The following ADGB variants were observed in gnomAD, a reference collection of about 807,000 sequenced individuals.
ADGB encodes androglobin.
Under a neutral mutation model 210.5 loss-of-function variants are expected in ADGB, and 172 were observed. That is an observed-to-expected ratio of 0.82 (90% CI 0.72 to 0.93). The LOEUF is 0.93. Among genes scored for constraint, ADGB ranks in the 40% least tolerant of loss-of-function variants. The pLI is 0.00. For missense variants in ADGB, 2,025 were observed against 1,964.8 expected (o/e 1.03, Z -0.58); for synonymous variants, 658 against 662.7 (o/e 0.99, Z 0.11).
chr6:146,729,434 G>A (rs2114582019), intron 20 of ADGB, among the ~76,000 whole-genome samples: 1 of 152,210 alleles, frequency 6.6e-6, no homozygotes, highest in South Asian at 2.1e-4. Context: ...TATTTGATGG[G>A]AGACTTTCTC....
chr6:146,631,629 GTACC>G (rs1294089393), intron 1 of ADGB, among the ~76,000 whole-genome samples: 1 of 152,024 alleles, frequency 6.6e-6, no homozygotes, highest in African/African-American at 2.4e-5. Flanking sequence ...CTTTGTCCAG[GTACC>G]ATCCCAGTTA....
At chr6:146,655,870 C>T (rs1045890816) in intron 4 of ADGB, among the ~76,000 whole-genome samples, 1 of 151,984 alleles carries the variant, frequency 6.6e-6, no homozygotes, top group African/African-American at 2.4e-5. Context: ...TTAAGAGAAA[C>T]ATAAATCTTG....
At chr6:146,809,737 A>T (rs796936835) in intron 35 of ADGB, among the ~76,000 whole-genome samples, 3 of 152,254 alleles carry the variant, frequency 2.0e-5, no homozygotes, top group South Asian at 4.1e-4. Context: ...TTCAAAAATG[A>T]TGTTGGGAAA....
At chr6:146,723,597 G>A (rs1397487075) in intron 17 of ADGB, among the ~76,000 whole-genome samples, 1 of 151,964 alleles carries the variant, frequency 6.6e-6, no homozygotes, top group Non-Finnish European at 1.5e-5. Flanking sequence ...ATTAGCCAGG[G>A]GTGGTGGCAG....
At chr6:146,814,973 C>G in intron 35 of ADGB, 59 bp from the exon 36 acceptor site, 1 of 1,457,510 alleles carries the variant, frequency 6.9e-7, no homozygotes, top group Non-Finnish European at 9.1e-7. Context: ...TTTTTTCTTT[C>G]TGGGAACATA....
intron 7 of ADGB, among the ~76,000 whole-genome samples, chr6:146,669,643 G>T (rs1163846809): frequency 6.6e-6 from 1 of 151,920 alleles, no homozygotes; most frequent in Admixed American, 6.6e-5. Context: ...CTTATTTTCT[G>T]CTCTTTCTCA....
intron 35 of ADGB, chr6:146,802,695 T>G: frequency 9.0e-7 from 1 of 1,109,360 alleles, no homozygotes; most frequent in Non-Finnish European, 1.3e-6. Context: ...TAGTTTTGAT[T>G]TCTTCCACAG....
rs1443401757 is a variant in ADGB, at chr6:146,728,561, T to C, written c.2353-13T>C. 2 of 1,549,266 alleles carry C rather than the reference T, an allele frequency of 1.3e-6. No individual in the cohort carries two copies. Among genetic ancestry groups the C allele is most frequent in the East Asian group, 4.9e-5 (2 of 40,866 alleles). ...GGATGAGTGAGGATGGCTGCCATGC[T>C]TTGTCTTCACAGGAGAGCTGCCGAT... On this transcript the variant is annotated splice_polypyrimidine_tract_variant and intron_variant, in intron 19 of 35. Transcript: ENST00000397944.
At chr6:146,793,634 A>T (rs1049423372) in intron 33 of ADGB, among the ~76,000 whole-genome samples, 1 of 152,224 alleles carries the variant, frequency 6.6e-6, no homozygotes, top group African/African-American at 2.4e-5. Context: ...GAGGTTAAAA[A>T]TACAGGGCCC....
intron 27 of ADGB, among the ~76,000 whole-genome samples, chr6:146,756,561 C>A (rs1245686555): frequency 1.3e-5 from 2 of 151,914 alleles, no homozygotes; most frequent in Non-Finnish European, 2.9e-5. Context: ...CTATTTCATT[C>A]TTTCCATATT....
chr6:146,674,380 G>C (rs962554223), intron 8 of ADGB, among the ~76,000 whole-genome samples: 10 of 152,042 alleles, frequency 6.6e-5, no homozygotes, highest in Admixed American at 5.9e-4. Flanking sequence ...GTGATGACTG[G>C]GAAGATCCTG....
chr6:146,650,184 A>G (rs1214933944), intron 3 of ADGB, among the ~76,000 whole-genome samples: 1 of 152,206 alleles, frequency 6.6e-6, no homozygotes, highest in Non-Finnish European at 1.5e-5. Context: ...AGCTGTTGTC[A>G]TTTTTAAAAA....
chr6:146,664,107 A>C, intron 5 of ADGB, 94 bp from the exon 6 acceptor site: 1 of 1,243,910 alleles, frequency 8.0e-7, no homozygotes, highest in Non-Finnish European at 1.1e-6. Flanking sequence ...AAATTGGAAA[A>C]CGGTAAATAG....
intron 1 of ADGB, among the ~76,000 whole-genome samples, chr6:146,611,861 T>C (rs1196018335): frequency 6.6e-6 from 1 of 152,328 alleles, no homozygotes; most frequent in African/African-American, 2.4e-5. Flanking sequence ...TTTTTTTTTA[T>C]GGATTTTGGT....
chr6:146,733,107 TTA>T lies in ADGB; in HGVS notation c.2521-11_2521-10del. On this transcript the variant is annotated splice_polypyrimidine_tract_variant and intron_variant, in intron 20 of 35. Coordinates refer to ENST00000397944, the MANE Select transcript of ADGB (RefSeq NM_024694.4). ...GGTATTTTCTTGCTATAAAAAAAAT[TTA>T]TGTGTTTCAGGTTTTTCATCTTTCC... The T allele has an allele frequency of 6.7e-7, 1 of 1,486,458 alleles. No homozygotes were observed. Among genetic ancestry groups the T allele is most frequent in the South Asian group, 1.4e-5 (1 of 73,018 alleles). The allele number at this position is 1,486,458 out of a possible 1,614,324, so 92.1% of individuals were successfully genotyped here. A position where few individuals can be genotyped will look rare whatever the true frequency, so the allele number is the denominator to read the frequency against.
In ADGB at chr6:146,783,753, G is replaced by C. The variant is rs191736945; in HGVS notation, c.4036-865G>C. Among the ~76,000 whole-genome samples the C allele has an allele frequency of 5.3e-5, 8 of 152,234 alleles. No homozygotes were observed. In the South Asian group the frequency reaches 8.3e-4, roughly 16 times the overall value. ...ATAATTGACATAGCCTCGACCTTAT[G>C]TAAAGTGCTATGTAACCACAATAGT... On this transcript the variant is annotated intron_variant, in intron 30 of 35. Coordinates refer to ENST00000397944, the MANE Select transcript of ADGB (RefSeq NM_024694.4).
chr6:146,643,027 G>T (rs894301195), intron 2 of ADGB, among the ~76,000 whole-genome samples: 3 of 151,862 alleles, frequency 2.0e-5, no homozygotes, highest in Non-Finnish European at 4.4e-5. Flanking sequence ...TTAGATTTTG[G>T]CATTGTTAGA....
chr6:146,663,206 T>A (rs930535465), intron 5 of ADGB, among the ~76,000 whole-genome samples: 10 of 144,174 alleles, frequency 6.9e-5, no homozygotes, highest in East Asian at 2.0e-4. Context: ...TTAAGGTTTT[T>A]TATATATATA....
intron 2 of ADGB, among the ~76,000 whole-genome samples, chr6:146,641,835 A>C (rs751769060): frequency 6.6e-6 from 1 of 152,134 alleles, no homozygotes; most frequent in Non-Finnish European, 1.5e-5. Context: ...CATCCTGGAC[A>C]TAGAAATGGG....
Sources: gnomAD v4.1 joint callset for allele counts (sites outside exome capture counted in the v4.1 genomes callset) on GRCh38, gnomAD v4.1.1 for gene constraint, MANE v1.5 for transcripts, NCBI Gene and HGNC (gene_info 2026-07-23, HGNC 2026-07-21) for gene names.